Variants in SEC24C observed in about 807,000 individuals in gnomAD.
The protein encoded by SEC24C is protein transport protein Sec24C.
In SEC24C, 22 loss-of-function variants were observed where a neutral mutation model predicts 117.0. The ratio of observed to expected loss-of-function variants is 0.19; its 90% CI spans 0.13 to 0.27. The LOEUF is 0.27. Among genes scored for constraint, SEC24C ranks in the 10% least tolerant of loss-of-function variants. The pLI, the probability that SEC24C is intolerant of heterozygous loss-of-function variation, is 1.00. For synonymous variants in SEC24C, 506 were observed against 529.4 expected, an observed-to-expected ratio of 0.96 and a Z score of 0.61; for missense variants, 1,155 against 1,375.1, an observed-to-expected ratio of 0.84 and a Z score of 2.53.
At chr10:73,764,805 A>T (rs942568364) in intron 8 of SEC24C, among the ~76,000 whole-genome samples, 4 of 152,248 alleles carry the variant, frequency 2.6e-5, no homozygotes. Flanking sequence ...CTGCTCCACC[A>T]GGCCTTGGTA....
chr10:73,764,310 G>T (rs2082846283), intron 8 of SEC24C, among the ~76,000 whole-genome samples: 2 of 152,038 alleles, frequency 1.3e-5, no homozygotes, highest in African/African-American at 4.8e-5. Context: ...GGATCACGAG[G>T]ACAGGAGATC....
At chr10:73,751,527 C>T (rs985094272) in intron 3 of SEC24C, among the ~76,000 whole-genome samples, 6 of 151,870 alleles carry the variant, frequency 4.0e-5, no homozygotes, top group Non-Finnish European at 8.8e-5. Flanking sequence ...CCAGCCTGGG[C>T]GATAGAGTGA....
At chr10:73,758,244 GA>G (rs2082742002) in intron 3 of SEC24C, among the ~76,000 whole-genome samples, 2 of 150,100 alleles carry the variant, frequency 1.3e-5, no homozygotes, top group African/African-American at 4.9e-5. Flanking sequence ...CAAAAGAAAA[GA>G]AAAGAAAAAA....
chr10:73,769,823 A>G lies in SEC24C; in HGVS notation c.2683-13A>G, dbSNP rs936761840. 2 of 1,613,134 alleles carry G rather than the reference A, an allele frequency of 1.2e-6. No homozygotes were observed. The highest frequency in any genetic ancestry group is 1.1e-5 in the South Asian group (1 of 91,078). On this transcript the variant is annotated splice_polypyrimidine_tract_variant and intron_variant, in intron 19 of 22. Coordinates refer to ENST00000345254, the MANE Select transcript of SEC24C (RefSeq NM_198597.3). This position sits in a 1 kb window ranked among gnomAD's most constrained non-coding sequence, Gnocchi z 4.5. ...TCTCATGATCATTGACTTTATTTTG[A>G]TAATCCCCTCAGTTGATCCTTCCTG...
At chr10:73,752,717 G>A (rs2082659013) in intron 3 of SEC24C, among the ~76,000 whole-genome samples, 1 of 152,076 alleles carries the variant, frequency 6.6e-6, no homozygotes, top group South Asian at 2.1e-4. Flanking sequence ...CCAGCACTTG[G>A]GGAGGCTGAG....
intron 1 of SEC24C, among the ~76,000 whole-genome samples, chr10:73,746,292 ATTTTG>A (rs2082552053): frequency 6.6e-6 from 1 of 152,122 alleles, no homozygotes; most frequent in Non-Finnish European, 1.5e-5. Flanking sequence ...CTCAGCCTAA[ATTTTG>A]TCATTGAGGG....
intron 15 of SEC24C, 86 bp downstream of exon 15, chr10:73,768,093 T>C (rs2082913968): frequency 3.0e-6 from 4 of 1,338,590 alleles, no homozygotes; most frequent in Non-Finnish European, 4.1e-6. Context: ...TTAATAGAAA[T>C]AGTGTTGGGG....
At chr10:73,753,766 C>T (rs1448841643) in intron 3 of SEC24C, among the ~76,000 whole-genome samples, 2 of 152,192 alleles carry the variant, frequency 1.3e-5, no homozygotes, top group Non-Finnish European at 2.9e-5. Context: ...CTATAAGCTC[C>T]ACCTCTGTCT....
chr10:73,767,792 T>C, intron 14 of SEC24C, 45 bp from the exon 15 acceptor site: 1 of 1,482,702 alleles, frequency 6.7e-7, no homozygotes. Flanking sequence ...AGGGCGGAGC[T>C]GAGATATTTG....
At chr10:73,751,557 A>G (rs1356484106) in intron 3 of SEC24C, among the ~76,000 whole-genome samples, 1 of 152,200 alleles carries the variant, frequency 6.6e-6, no homozygotes, top group Admixed American at 6.6e-5. Flanking sequence ...TCATAAATAA[A>G]TAAATAAATA....
chr10:73,763,109 G>C (rs557154017), intron 6 of SEC24C, among the ~76,000 whole-genome samples: 2 of 152,130 alleles, frequency 1.3e-5, no homozygotes, highest in Non-Finnish European at 2.9e-5. Context: ...GGAGAGGATC[G>C]GGGAAGGCAT....
chr10:73,744,607 C>T (rs1446856904), intron 1 of SEC24C, among the ~76,000 whole-genome samples, 170 bp downstream of exon 1: 1 of 152,176 alleles, frequency 6.6e-6, no homozygotes, highest in Non-Finnish European at 1.5e-5. Flanking sequence ...CCTAGACCAT[C>T]CCTTCGTCTC....
chr10:73,746,178 A>AAAAAC (rs1565032268), intron 1 of SEC24C, among the ~76,000 whole-genome samples: 47 of 144,494 alleles, frequency 3.3e-4, no homozygotes, highest in Non-Finnish European at 3.8e-4. Flanking sequence ...AAAAAAAAAA[A>AAAAAC]AAAACCTTCA....
At chr10:73,766,053 T>C (rs374796759) in intron 10 of SEC24C, 33 bp from the exon 11 acceptor site, 56 of 1,606,636 alleles carry the variant, frequency 3.5e-5, no homozygotes, top group Non-Finnish European at 4.7e-5. Flanking sequence ...TGCTTACCAT[T>C]CCCCCTCTCC....
intron 13 of SEC24C, 100 bp from the exon 14 acceptor site, chr10:73,766,954 C>A: frequency 7.3e-7 from 1 of 1,368,470 alleles, no homozygotes; most frequent in Non-Finnish European, 1.0e-6. Context: ...GGGTGACTGT[C>A]CAGTGTGTTA....
chr10:73,758,872 T>A (rs76702302), intron 3 of SEC24C, among the ~76,000 whole-genome samples: 2,446 of 152,012 alleles, frequency 0.016, 51 homozygotes, highest in African/African-American at 0.056. Context: ...TGTGTGTGTG[T>A]GAGATGTTTG....
Position 73,759,730 on chromosome 10 carries a change from G to A in SEC24C, c.417G>A (p.Gln139=), listed in dbSNP as rs1406132596. Residue 139 remains glutamine (Q), a synonymous_variant, in exon 4 of 23, where the codon CAG becomes CAA. Transcript: ENST00000345254. ...CGACAAGTGCACAGGTGGCTACGCA[G>A]CTGTCTGGAATGCAGATCAGCGGTG... ...PPPTSAQVAT[Q]LSGMQISGAV... The A allele has an allele frequency of 3.1e-6, 5 of 1,610,216 alleles. No individual in the cohort carries two copies. In the Admixed American group the frequency reaches 8.5e-5, roughly 27 times the overall value.
intron 2 of SEC24C, among the ~76,000 whole-genome samples, chr10:73,749,983 T>C (rs984915722): frequency 2.6e-5 from 4 of 152,074 alleles, no homozygotes; most frequent in Non-Finnish European, 4.4e-5. Flanking sequence ...TAAAGAGATA[T>C]GGAAAAAAGA....
intron 3 of SEC24C, among the ~76,000 whole-genome samples, chr10:73,755,494 G>A (rs369776922): frequency 2.6e-5 from 4 of 151,914 alleles, no homozygotes; most frequent in African/African-American, 7.3e-5. Context: ...TGGCTAACAC[G>A]GTGAAACCCC....
Sources: gnomAD v4.1 joint callset for allele counts (sites outside exome capture counted in the v4.1 genomes callset) on GRCh38, gnomAD v4.1.1 for gene constraint, Gnocchi (gnomAD v3.1) non-coding constraint, MANE v1.5 for transcripts, NCBI Gene and HGNC (gene_info 2026-07-23, HGNC 2026-07-21) for gene names.